Variants in ARHGEF38 observed in about 807,000 individuals in gnomAD.
ARHGEF38 encodes Rho guanine nucleotide exchange factor 38.
In ARHGEF38, 79 loss-of-function variants were observed where a neutral mutation model predicts 79.9. That is an observed-to-expected ratio of 0.99 (90% CI 0.82 to 1.19). ARHGEF38 has a LOEUF of 1.19. Ranked by LOEUF, ARHGEF38 falls within the 50% of genes most tolerant of loss-of-function variation. ARHGEF38 has a pLI of 0.00. For missense variants in ARHGEF38, 962 were observed against 907.2 expected, an observed-to-expected ratio of 1.06 and a Z score of -0.78; for synonymous variants, 366 against 328.3, an observed-to-expected ratio of 1.11 and a Z score of -1.24.
chr4:105,652,543 G>A lies in ARHGEF38; in HGVS notation c.1009-1522G>A, dbSNP rs115947218. Among the ~76,000 whole-genome samples, 1,462 of 152,258 alleles carry A rather than the reference G, an allele frequency of 9.6e-3. 16 individuals carry two copies. The highest frequency in any genetic ancestry group is 0.032 in the Admixed American group (483 of 15,290). On this transcript the variant is annotated intron_variant, in intron 7 of 13. Transcript: ENST00000420470. ...AACAGGATTTTGCAAGGCAGGAAACGAACAGCAGTATATTCCAGCAAAAGA... is the reference window on the plus strand; with the variant it reads ...AACAGGATTTTGCAAGGCAGGAAACAAACAGCAGTATATTCCAGCAAAAGA...
chr4:105,638,010 T>A (rs1011334623), intron 5 of ARHGEF38, among the ~76,000 whole-genome samples: 4 of 152,130 alleles, frequency 2.6e-5, no homozygotes, highest in African/African-American at 7.2e-5. Flanking sequence ...TTATTTTCCT[T>A]CCTGTTCCTT....
chr4:105,587,443 A>G (rs901050876), intron 1 of ARHGEF38, among the ~76,000 whole-genome samples: 6 of 152,090 alleles, frequency 3.9e-5, no homozygotes, highest in African/African-American at 1.4e-4. Context: ...TATATAGCTC[A>G]TGTGGATTAT....
intron 6 of ARHGEF38, among the ~76,000 whole-genome samples, chr4:105,646,737 C>A (rs1038096261): frequency 1.3e-5 from 2 of 151,886 alleles, no homozygotes; most frequent in Non-Finnish European, 2.9e-5. Context: ...GGATAAACTG[C>A]ATATTATACA....
chr4:105,589,482 G>A, intron 2 of ARHGEF38, 47 bp downstream of exon 2: 3 of 1,522,268 alleles, frequency 2.0e-6, no homozygotes, highest in Non-Finnish European at 2.7e-6. Context: ...ATCATAAATA[G>A]GATCACTAGC....
chr4:105,644,323 G>A (rs959649299), intron 5 of ARHGEF38, among the ~76,000 whole-genome samples: 1 of 152,206 alleles, frequency 6.6e-6, no homozygotes, highest in Admixed American at 6.5e-5. Flanking sequence ...TGAAAACAGT[G>A]TCTGTATTTC....
At position 105,561,444 on chromosome 4, in the gene ARHGEF38, A is replaced by AGAATAGAATAGAATGGAATG. The variant is rs1725561691; in HGVS notation, c.196+8487_196+8488insAGAATAGAATGGAATGGAAT. 63 of 43,006 alleles carry AGAATAGAATAGAATGGAATG rather than the reference A, an allele frequency of 1.5e-3. 3 individuals carry two copies. Among genetic ancestry groups the AGAATAGAATAGAATGGAATG allele is most frequent in the Non-Finnish European group, 2.0e-3 (44 of 22,542 alleles). 2.7% of individuals were successfully genotyped at this position (43,006 alleles called of 1,614,324 possible). ...AGAATGGAATAGAATAGAATAGAAT[A>AGAATAGAATAGAATGGAATG]GAATGGAATAGAATAGAATAGAATA... On this transcript the variant is annotated intron_variant, in intron 1 of 13. Transcript: ENST00000420470.
At chr4:105,651,393 A>G (rs186796168) in intron 7 of ARHGEF38, among the ~76,000 whole-genome samples, 1 of 152,328 alleles carries the variant, frequency 6.6e-6, no homozygotes, top group East Asian at 1.9e-4. Context: ...CTATTACCGA[A>G]GAGGAAGATT....
At chr4:105,555,580 C>T (rs1725215870) in intron 1 of ARHGEF38, among the ~76,000 whole-genome samples, 1 of 152,152 alleles carries the variant, frequency 6.6e-6, no homozygotes, top group Admixed American at 6.6e-5. Context: ...ACTGAATAAA[C>T]ACCTGGACTG....
chr4:105,607,253 G>C (rs1728088958), intron 2 of ARHGEF38, among the ~76,000 whole-genome samples: 1 of 152,012 alleles, frequency 6.6e-6, no homozygotes, highest in South Asian at 2.1e-4. Flanking sequence ...ATAAAATTAA[G>C]GATAAAATTA....
chr4:105,616,483 C>T (rs915536533), intron 3 of ARHGEF38, among the ~76,000 whole-genome samples: 2 of 152,032 alleles, frequency 1.3e-5, no homozygotes, highest in South Asian at 2.1e-4. Context: ...GGGGGAAGTG[C>T]GATGCACTTT....
chr4:105,669,420 T>C (rs1320053716), intron 13 of ARHGEF38, among the ~76,000 whole-genome samples: 1 of 152,210 alleles, frequency 6.6e-6, no homozygotes, highest in Admixed American at 6.5e-5. Flanking sequence ...TGTATGAGTA[T>C]ATAAGTGTAA....
chr4:105,587,467 G>T (rs1727110642), intron 1 of ARHGEF38, among the ~76,000 whole-genome samples: 1 of 151,978 alleles, frequency 6.6e-6, no homozygotes, highest in Admixed American at 6.5e-5. Context: ...TTATGATTAT[G>T]ATTATTATTT....
chr4:105,671,921 G>A (rs1730969789), intron 13 of ARHGEF38, among the ~76,000 whole-genome samples: 1 of 151,994 alleles, frequency 6.6e-6, no homozygotes, highest in African/African-American at 2.4e-5. Flanking sequence ...AATTGCTATA[G>A]CATGTTTCCA....
intron 1 of ARHGEF38, among the ~76,000 whole-genome samples, chr4:105,583,912 G>A (rs1726913494): frequency 1.3e-5 from 2 of 151,838 alleles, no homozygotes; most frequent in South Asian, 2.1e-4. Context: ...TTTTATTGAT[G>A]TCTCTTTCTT....
rs1730752635 is a variant in ARHGEF38 at position 105,666,451 on chromosome 4, T to G, written c.1689+131T>G. 1.7e-5 allele frequency: 19 copies of G among 1,103,256 alleles called. No homozygotes were observed. The South Asian group carries it at 3.8e-4, about 22-fold the overall frequency. 68.3% of individuals were successfully genotyped at this position (1,103,256 alleles called of 1,614,324 possible). On this transcript the variant is annotated intron_variant, in intron 11 of 13. Coordinates refer to ENST00000420470, the MANE Select transcript of ARHGEF38 (RefSeq NM_001242729.2). ...ATAATTTACATATGTGTAGAATTTC[T>G]TGTACATTTCTATCCTATATACCAT...
chr4:105,599,726 G>A (rs888922051), intron 2 of ARHGEF38, among the ~76,000 whole-genome samples: 1 of 152,018 alleles, frequency 6.6e-6, no homozygotes. Context: ...CAATAACACT[G>A]GGCCAGAAAG....
intron 9 of ARHGEF38, among the ~76,000 whole-genome samples, chr4:105,656,630 A>G (rs188458599): frequency 3.0e-4 from 45 of 152,264 alleles, no homozygotes; most frequent in East Asian, 2.9e-3. Flanking sequence ...GTAGTATTTC[A>G]AGAATTATAG....
rs1725589170 is a variant in ARHGEF38, at chr4:105,561,474, A to AATGGAATGGAATG, written c.196+8513_196+8514insATGGAATGGAATG. On this transcript the variant is annotated intron_variant, in intron 1 of 13. Coordinates refer to ENST00000420470, the MANE Select transcript of ARHGEF38 (RefSeq NM_001242729.2). ...GGAATAGAATAGAATAGAATAGAATAGAATAGAATAGAATAGAATAGAATA... is the reference window on the plus strand; with the variant it reads ...GGAATAGAATAGAATAGAATAGAATAATGGAATGGAATGGAATAGAATAGAATAGAATAGAATA... 9.1e-4 allele frequency: 46 copies of AATGGAATGGAATG among 50,798 alleles called. 2 individuals carry two copies. The highest frequency in any genetic ancestry group is 1.6e-3 in the African/African-American group (19 of 11,982). 3.1% of individuals were successfully genotyped at this position (50,798 alleles called of 1,614,324 possible).
chr4:105,606,396 G>A (rs1560716900), intron 2 of ARHGEF38, among the ~76,000 whole-genome samples: 1 of 151,980 alleles, frequency 6.6e-6, no homozygotes, highest in African/African-American at 2.4e-5. Context: ...GAATTTTTAA[G>A]TTGTGTGATT....
Sources: gnomAD v4.1 joint callset for allele counts (sites outside exome capture counted in the v4.1 genomes callset) on GRCh38, gnomAD v4.1.1 for gene constraint, MANE v1.5 for transcripts, NCBI Gene and HGNC (gene_info 2026-07-23, HGNC 2026-07-21) for gene names.